Variants in GABRG3 observed in about 807,000 individuals in gnomAD.
GABRG3 encodes gamma-aminobutyric acid type A receptor subunit gamma3, also known as gamma-aminobutyric acid receptor subunit gamma-3.
GABRG3 carries 25 observed loss-of-function variants against 48.8 expected under a neutral mutation model. That is an observed-to-expected ratio of 0.51 (90% CI 0.37 to 0.72). GABRG3 has a LOEUF of 0.72. Ranked by LOEUF, GABRG3 falls within the 30% of genes least tolerant of loss-of-function variation. The pLI is 0.00. For synonymous variants in GABRG3, 227 were observed against 217.6 expected (o/e 1.04, Z -0.38); for missense variants, 394 against 577.9 (o/e 0.68, Z 3.26).
chr15:27,046,550 C>A (rs1229083824), intron 3 of GABRG3, among the ~76,000 whole-genome samples: 1 of 152,208 alleles, frequency 6.6e-6, no homozygotes, highest in Non-Finnish European at 1.5e-5. Context: ...TAGTGCTGTG[C>A]GCATCCCTTA....
At chr15:27,445,693 G>A (rs570941747) in intron 5 of GABRG3, among the ~76,000 whole-genome samples, 1 of 152,028 alleles carries the variant, frequency 6.6e-6, no homozygotes, top group Non-Finnish European at 1.5e-5. Context: ...TTAATAAAGT[G>A]TATTTTTATA....
intron 3 of GABRG3, among the ~76,000 whole-genome samples, chr15:27,093,332 C>T (rs985328807): frequency 3.9e-5 from 6 of 152,130 alleles, no homozygotes; most frequent in African/African-American, 1.2e-4. Context: ...TTGGTTTTCC[C>T]ATCTGTGCAA....
chr15:27,272,685 T>G lies in GABRG3; in HGVS notation c.271-54124T>G, dbSNP rs537204537. Among the ~76,000 whole-genome samples the G allele has an allele frequency of 2.6e-5, 4 of 152,112 alleles. No homozygotes were observed. In the South Asian group the frequency reaches 8.3e-4, roughly 32 times the overall value. On this transcript the variant is annotated intron_variant, in intron 3 of 9. Coordinates refer to ENST00000615808, the MANE Select transcript of GABRG3 (RefSeq NM_033223.5). ...ACCTCTGAAGGGAGCAGAACACTGG[T>G]GGGGGTGTGCTTTGCTCTCATTCAG...
At chr15:27,055,134 A>G (rs940520689) in intron 3 of GABRG3, among the ~76,000 whole-genome samples, 2 of 152,040 alleles carry the variant, frequency 1.3e-5, no homozygotes, top group African/African-American at 4.8e-5. Context: ...GCTGTGTAAT[A>G]GAGACTCCGT....
At chr15:26,997,722 T>A (rs1895367676) in intron 2 of GABRG3, among the ~76,000 whole-genome samples, 1 of 152,248 alleles carries the variant, frequency 6.6e-6, no homozygotes, top group Admixed American at 6.5e-5. Context: ...TTTTTCTCTT[T>A]ATCAATGGAT....
intron 5 of GABRG3, among the ~76,000 whole-genome samples, chr15:27,377,724 C>T (rs1379252768): frequency 6.6e-6 from 1 of 152,156 alleles, no homozygotes; most frequent in Non-Finnish European, 1.5e-5. Flanking sequence ...CCAAATCATA[C>T]CAGGCCATGA....
chr15:26,990,244 G>A (rs546712778), intron 2 of GABRG3, among the ~76,000 whole-genome samples: 1 of 152,160 alleles, frequency 6.6e-6, no homozygotes, highest in Admixed American at 6.5e-5. Context: ...TCCACCAACA[G>A]TGTACAAGGG....
chr15:27,185,850 C>T (rs1304126156), intron 3 of GABRG3, among the ~76,000 whole-genome samples: 1 of 151,940 alleles, frequency 6.6e-6, no homozygotes, highest in Non-Finnish European at 1.5e-5. Flanking sequence ...ATAGACACTA[C>T]TGCTTTTTCT....
At chr15:27,225,336 C>G (rs1442162161) in intron 3 of GABRG3, among the ~76,000 whole-genome samples, 1 of 152,018 alleles carries the variant, frequency 6.6e-6, no homozygotes, top group Non-Finnish European at 1.5e-5. Flanking sequence ...CCGCCACCTC[C>G]CCGCCCCCCT....
chr15:27,449,113 C>T (rs528071179), intron 5 of GABRG3, among the ~76,000 whole-genome samples: 55 of 152,274 alleles, frequency 3.6e-4, no homozygotes, highest in Non-Finnish European at 6.9e-4. Context: ...ATCCCTCATC[C>T]TTGCCCTGCT....
chr15:27,024,064 A>G (rs978679591), intron 2 of GABRG3, among the ~76,000 whole-genome samples: 3 of 152,088 alleles, frequency 2.0e-5, no homozygotes, highest in Non-Finnish European at 4.4e-5. Context: ...CATTTCCCTA[A>G]TAACTAATGA....
chr15:27,230,444 A>C (rs1372559935), intron 3 of GABRG3, among the ~76,000 whole-genome samples: 1 of 152,208 alleles, frequency 6.6e-6, no homozygotes, highest in Non-Finnish European at 1.5e-5. Context: ...CTCAGAGGGC[A>C]CAATTAATTC....
chr15:27,069,627 C>T (rs1402841749), intron 3 of GABRG3, among the ~76,000 whole-genome samples: 2 of 152,034 alleles, frequency 1.3e-5, no homozygotes, highest in South Asian at 2.1e-4. Context: ...TGTTAACTGC[C>T]GTTATTATAA....
At chr15:27,306,973 A>ATGTT (rs1892550084) in intron 3 of GABRG3, among the ~76,000 whole-genome samples, 1 of 115,672 alleles carries the variant, frequency 8.6e-6, no homozygotes, top group Non-Finnish European at 1.7e-5. Flanking sequence ...ATATATAAAC[A>ATGTT]TATATAATAT....
At chr15:27,004,654 C>G (rs1895548084) in intron 2 of GABRG3, among the ~76,000 whole-genome samples, 1 of 152,194 alleles carries the variant, frequency 6.6e-6, no homozygotes, top group Non-Finnish European at 1.5e-5. Context: ...CCAGCCTGGG[C>G]ACCATTGAGC....
At chr15:27,125,082 A>G (rs1176095083) in intron 3 of GABRG3, among the ~76,000 whole-genome samples, 1 of 152,154 alleles carries the variant, frequency 6.6e-6, no homozygotes, top group Non-Finnish European at 1.5e-5. Context: ...TTTTAATTTA[A>G]TTATATTTCT....
At chr15:26,996,652 T>TTTATTTA (rs1895345986) in intron 2 of GABRG3, among the ~76,000 whole-genome samples, 1 of 138,408 alleles carries the variant, frequency 7.2e-6, no homozygotes, top group African/African-American at 2.6e-5. Flanking sequence ...TTATTTATTT[T>TTTATTTA]ATTTTAATTT....
intron 5 of GABRG3, among the ~76,000 whole-genome samples, chr15:27,428,519 C>A (rs964745284): frequency 6.6e-6 from 1 of 152,184 alleles, no homozygotes; most frequent in Non-Finnish European, 1.5e-5. Context: ...TCCAGTGAGA[C>A]CACGCACAAT....
At chr15:27,291,967 T>A (rs565075794) in intron 3 of GABRG3, among the ~76,000 whole-genome samples, 1 of 152,268 alleles carries the variant, frequency 6.6e-6, no homozygotes, top group Admixed American at 6.5e-5. Context: ...TAGAACAGGT[T>A]ACCTCCCCAT....
Sources: gnomAD v4.1 joint callset for allele counts (sites outside exome capture counted in the v4.1 genomes callset) on GRCh38, gnomAD v4.1.1 for gene constraint, MANE v1.5 for transcripts, NCBI Gene and HGNC (gene_info 2026-07-23, HGNC 2026-07-21) for gene names.